AGPAT5: variants seen among roughly 807,000 people sequenced by gnomAD.
AGPAT5 encodes 1-acyl-sn-glycerol-3-phosphate acyltransferase epsilon.
In AGPAT5, 46 loss-of-function variants were observed where a neutral mutation model predicts 45.6. The observed-to-expected ratio is 1.01, with a 90% CI of 0.80 to 1.29. The LOEUF is 1.29. AGPAT5 is among the 50% of genes most tolerant of loss of function. AGPAT5 has a pLI of 0.00. For synonymous variants in AGPAT5, 272 were observed against 167.0 expected, an observed-to-expected ratio of 1.63 and a Z score of -4.85; for missense variants, 673 against 450.7, an observed-to-expected ratio of 1.49 and a Z score of -4.47.
rs3811120 is a variant in AGPAT5, at chr8:6,758,650, A to C, written c.*1262A>C. 5,606 of 152,716 alleles carry C rather than the reference A, an allele frequency of 0.037. 243 individuals are homozygous for C. Among genetic ancestry groups the C allele is most frequent in the African/African-American group, 0.1 (4,206 of 41,556 alleles). The allele number at this position is 152,716 out of a possible 1,614,324, so 9.5% of individuals were successfully genotyped here. ...TGAACGAATTTGTTTATTTCCCATT[A>C]GGTTTAGTGGAGCTACACATTAATA... is the stretch of plus-strand genomic sequence containing the variant. On this transcript the variant is annotated 3_prime_UTR_variant, in exon 8 of 8. Transcript: ENST00000285518.
chr8:6,711,598 C>G (rs1245000290), intron 1 of AGPAT5, among the ~76,000 whole-genome samples: 3 of 152,222 alleles, frequency 2.0e-5, no homozygotes, highest in Non-Finnish European at 4.4e-5. Context: ...ACCTGTGTTA[C>G]TTTCCTGTGC....
Position 6,757,147 on chromosome 8 carries a change from T to C in AGPAT5, c.870-16T>C, listed in dbSNP as rs771645860. ...TGAAGTGACTAAAATCTAAACTTTT[T>C]CCATTCTGGCCATAGGATGCTTATA... On this transcript the variant is annotated splice_polypyrimidine_tract_variant and intron_variant, in intron 7 of 7. Transcript: ENST00000285518. 1 of 1,597,926 alleles carries C rather than the reference T, an allele frequency of 6.3e-7. No homozygotes were observed. Among genetic ancestry groups the C allele is most frequent in the Non-Finnish European group, 8.6e-7 (1 of 1,169,210 alleles).
At chr8:6,748,965 A>T (rs1801566360) in intron 6 of AGPAT5, among the ~76,000 whole-genome samples, 1 of 152,198 alleles carries the variant, frequency 6.6e-6, no homozygotes, top group Non-Finnish European at 1.5e-5. Flanking sequence ...ATTTTTAACT[A>T]CAACAAAACA....
In AGPAT5 at chr8:6,732,441, T is replaced by C. The variant is rs1800894775; in HGVS notation, c.406-120T>C. On this transcript the variant is annotated intron_variant, in intron 3 of 7. Coordinates refer to ENST00000285518, the MANE Select transcript of AGPAT5 (RefSeq NM_018361.5). Reference sequence around the variant, plus strand: ...AATGTTTGAAGATATTAAATATAGATTAAATTCTGAAATGTAGTTTTCATT... The same window carrying C: ...AATGTTTGAAGATATTAAATATAGACTAAATTCTGAAATGTAGTTTTCATT... 5 of 649,090 alleles carry C rather than the reference T, an allele frequency of 7.7e-6. No homozygotes were observed. In the Admixed American group the frequency reaches 1.5e-4, roughly 19 times the overall value. The allele number at this position is 649,090 out of a possible 1,614,324, so 40.2% of individuals were successfully genotyped here.
chr8:6,750,457 C>G (rs1372946761), intron 6 of AGPAT5, among the ~76,000 whole-genome samples: 1 of 152,136 alleles, frequency 6.6e-6, no homozygotes, highest in African/African-American at 2.4e-5. Flanking sequence ...AAAATAAAAT[C>G]TTATCACTTC....
intron 6 of AGPAT5, among the ~76,000 whole-genome samples, chr8:6,749,467 A>C (rs1178870069): frequency 6.6e-6 from 1 of 152,246 alleles, no homozygotes; most frequent in Non-Finnish European, 1.5e-5. Context: ...CAGTTTAAAA[A>C]TTAAAACTGT....
At chr8:6,712,928 T>C (rs1465448107) in intron 1 of AGPAT5, among the ~76,000 whole-genome samples, 1 of 152,190 alleles carries the variant, frequency 6.6e-6, no homozygotes. Flanking sequence ...CCCATTCCTA[T>C]GCAATACACT....
At chr8:6,752,485 T>A (rs756915455) in intron 6 of AGPAT5, among the ~76,000 whole-genome samples, 1 of 152,298 alleles carries the variant, frequency 6.6e-6, no homozygotes, top group Non-Finnish European at 1.5e-5. Flanking sequence ...GGCTATATAG[T>A]GTTCATTGAT....
At chr8:6,712,645 G>T (rs986442418) in intron 1 of AGPAT5, among the ~76,000 whole-genome samples, 1 of 152,092 alleles carries the variant, frequency 6.6e-6, no homozygotes, top group African/African-American at 2.4e-5. Flanking sequence ...GATTGGGTAG[G>T]ACTCATGAAA....
chr8:6,743,063 G>A (rs1163059347), intron 5 of AGPAT5, among the ~76,000 whole-genome samples: 1 of 152,130 alleles, frequency 6.6e-6, no homozygotes, highest in Non-Finnish European at 1.5e-5. Context: ...CCCTCAATTT[G>A]TTTTGGTCTG....
intron 6 of AGPAT5, among the ~76,000 whole-genome samples, chr8:6,752,489 C>T (rs895342480): frequency 6.6e-6 from 1 of 151,950 alleles, no homozygotes; most frequent in African/African-American, 2.4e-5. Context: ...ATATAGTGTT[C>T]ATTGATGTGA....
intron 1 of AGPAT5, among the ~76,000 whole-genome samples, chr8:6,722,896 A>G (rs187923325): frequency 6.6e-6 from 1 of 152,350 alleles, no homozygotes; most frequent in African/African-American, 2.4e-5. Flanking sequence ...ATTATCATGA[A>G]CAAGCAATCA....
intron 4 of AGPAT5, among the ~76,000 whole-genome samples, chr8:6,740,802 A>G (rs1054431687): frequency 6.6e-5 from 10 of 152,072 alleles, no homozygotes; most frequent in African/African-American, 2.2e-4. Context: ...GAGATCTGGC[A>G]AGAATGAATC....
rs762669378 is a variant in AGPAT5, at chr8:6,708,774, C to T, written c.106C>T (p.Arg36Trp). 1.9e-6 allele frequency: 3 copies of T among 1,608,664 alleles called. No homozygotes were observed. Among genetic ancestry groups the T allele is most frequent in the Admixed American group, 1.7e-5 (1 of 59,904 alleles). The change falls in exon 1 of 8, where the codon CGG (arginine) becomes TGG (tryptophan). Residue 36 changes from arginine (R) to tryptophan (W), a missense_variant. Arg to Trp is a moderately radical substitution (Grantham distance 101). Coordinates refer to ENST00000285518, the MANE Select transcript of AGPAT5 (RefSeq NM_018361.5). ...CTACGTGTTGGCCTGGGGGGTCTGG[C>T]GGCTGCTCTCCGCCTTCCTGCCCGC... ...PTYVLAWGVW[R>W]LLSAFLPARF...
intron 4 of AGPAT5, among the ~76,000 whole-genome samples, chr8:6,738,990 T>C (rs1294343667): frequency 6.6e-6 from 1 of 152,106 alleles, no homozygotes; most frequent in Non-Finnish European, 1.5e-5. Flanking sequence ...TAATTAATGT[T>C]TTCATATGGT....
At chr8:6,747,612 CA>C (rs1303268301) in intron 5 of AGPAT5, 57 bp from the exon 6 acceptor site, 48 of 1,444,780 alleles carry the variant, frequency 3.3e-5, no homozygotes, top group Non-Finnish European at 4.4e-5. Flanking sequence ...AGATGTTAAA[CA>C]GTATATTGTG....
chr8:6,715,471 T>C (rs1036607215), intron 1 of AGPAT5, among the ~76,000 whole-genome samples: 2 of 152,206 alleles, frequency 1.3e-5, no homozygotes, highest in Non-Finnish European at 2.9e-5. Flanking sequence ...TCAGTCGCAG[T>C]TAGTGAGTGC....
At position 6,747,675 on chromosome 8, in the gene AGPAT5, G is replaced by C. The variant is rs767474643; in HGVS notation, c.592G>C (p.Ala198Pro). 1.2e-6 allele frequency: 2 copies of C among 1,612,900 alleles called. No homozygotes were observed. The highest frequency in any genetic ancestry group is 1.1e-5 in the South Asian group (1 of 90,988). ...SQAFAAQRGL[A>P]VLKHVLTPRI... The stretch of plus-strand genomic sequence containing the variant: ...GGCACTGAATTGACTTCTAGGCCTT[G>C]CAGTATTAAAACATGTGCTAACACC... Residue 198 changes from alanine (A) to proline (P), a missense_variant, in exon 6 of 8, where the codon GCA (alanine) becomes CCA (proline). Transcript: ENST00000285518.
At chr8:6,756,762 C>T (rs1801853205) in intron 7 of AGPAT5, among the ~76,000 whole-genome samples, 1 of 152,146 alleles carries the variant, frequency 6.6e-6, no homozygotes, top group Non-Finnish European at 1.5e-5. Flanking sequence ...AGAGGGACCG[C>T]TGTCTAAGAA....
Sources: allele counts gnomAD v4.1 joint callset (sites outside exome capture counted in the v4.1 genomes callset), GRCh38; gene constraint gnomAD v4.1.1; transcripts MANE v1.5; gene names NCBI Gene and HGNC (gene_info 2026-07-23, HGNC 2026-07-21).